Variants in SIK3 observed in about 807,000 individuals in gnomAD.
SIK3 encodes the protein serine/threonine-protein kinase SIK3.
SIK3 carries 28 observed loss-of-function variants against 144.2 expected under a neutral mutation model. The ratio of observed to expected loss-of-function variants is 0.19; its 90% CI spans 0.14 to 0.27. The LOEUF is 0.27. Ranked by LOEUF, SIK3 falls within the 10% of genes least tolerant of loss-of-function variation. The pLI, the probability that SIK3 is intolerant of heterozygous loss-of-function variation, is 1.00. For missense variants in SIK3, 1,319 were observed against 1,776.0 expected (o/e 0.74, Z 4.62); for synonymous variants, 686 against 676.3 (o/e 1.01, Z -0.22).
At chr11:117,033,830 G>C (rs1037150725) in intron 1 of SIK3, among the ~76,000 whole-genome samples, 4 of 151,724 alleles carry the variant, frequency 2.6e-5, no homozygotes, top group African/African-American at 9.7e-5. Flanking sequence ...TCAGGCTCAA[G>C]GCAAATTATT....
At chr11:116,890,928 T>C (rs1945068265) in intron 6 of SIK3, among the ~76,000 whole-genome samples, 1 of 152,170 alleles carries the variant, frequency 6.6e-6, no homozygotes, top group African/African-American at 2.4e-5. Context: ...AAATAGCAGA[T>C]AGGAGATCAA....
At chr11:116,904,736 T>A (rs2134871427) in intron 4 of SIK3, 1 of 152,414 alleles carries the variant, frequency 6.6e-6, no homozygotes, top group South Asian at 2.1e-4. Context: ...TTTTAATTTT[T>A]AAATTTTAAA....
At chr11:116,863,882 G>C (rs545416588) in intron 15 of SIK3, 64 bp from the exon 16 acceptor site, 108 of 1,474,286 alleles carry the variant, frequency 7.3e-5, no homozygotes, top group Middle Eastern at 3.6e-4. Flanking sequence ...ATCACACAGG[G>C]ACTGCTGTTC....
At chr11:117,002,286 A>G (rs1055499619) in intron 1 of SIK3, among the ~76,000 whole-genome samples, 1 of 150,514 alleles carries the variant, frequency 6.6e-6, no homozygotes, top group African/African-American at 2.4e-5. Flanking sequence ...ACATTATCAC[A>G]CTTTTTTGCA....
chr11:116,934,254 T>G (rs1000320924), intron 3 of SIK3, among the ~76,000 whole-genome samples: 22 of 152,348 alleles, frequency 1.4e-4, no homozygotes, highest in African/African-American at 5.3e-4. Context: ...CTGACGCATA[T>G]TAAGCACTTA....
Position 116,967,917 on chromosome 11 carries a change from C to T in SIK3, c.274-10853G>A, listed in dbSNP as rs187762233. On this transcript the variant is annotated intron_variant, in intron 1 of 24. Transcript: ENST00000445177. ...CTACCAGCGCTGACAGATAATGCCC[C>T]TCTGGGATTCCTTCAAAATGGAATG... Among the ~76,000 whole-genome samples the T allele has an allele frequency of 9.0e-4, 137 of 152,298 alleles. 1 individual carries two copies. Among genetic ancestry groups the T allele is most frequent in the Admixed American group, 2.9e-3 (44 of 15,306 alleles).
intron 4 of SIK3, among the ~76,000 whole-genome samples, chr11:116,916,515 T>TG (rs953800010): frequency 6.6e-6 from 1 of 150,980 alleles, no homozygotes; most frequent in African/African-American, 2.4e-5. Flanking sequence ...ACATCAAATT[T>TG]TTTTTTTTTT....
At chr11:117,038,421 A>G (rs1237952684) in intron 1 of SIK3, among the ~76,000 whole-genome samples, 1 of 150,696 alleles carries the variant, frequency 6.6e-6, no homozygotes, top group African/African-American at 2.4e-5. Flanking sequence ...CAGTGGTGCA[A>G]TCTCGGCTCA....
At chr11:116,928,702 T>C (rs1377574865) in intron 3 of SIK3, among the ~76,000 whole-genome samples, 1 of 152,124 alleles carries the variant, frequency 6.6e-6, no homozygotes, top group Non-Finnish European at 1.5e-5. Context: ...ACAGAGCAGA[T>C]TGCAAAATAA....
chr11:116,941,899 A>G (rs972640835), intron 3 of SIK3, among the ~76,000 whole-genome samples: 2 of 152,170 alleles, frequency 1.3e-5, no homozygotes, highest in Non-Finnish European at 2.9e-5. Context: ...TACAAAACTA[A>G]CCAGTTTCTC....
At chr11:116,922,744 T>C (rs1010127601) in intron 4 of SIK3, among the ~76,000 whole-genome samples, 1 of 150,052 alleles carries the variant, frequency 6.7e-6, no homozygotes, top group African/African-American at 2.5e-5. Context: ...ACTGGATGCA[T>C]GATTATTTTC....
chr11:116,994,150 A>C (rs1236148700), intron 1 of SIK3, among the ~76,000 whole-genome samples: 2 of 152,202 alleles, frequency 1.3e-5, no homozygotes, highest in African/African-American at 2.4e-5. Context: ...AATCTATTTA[A>C]AGTTGTTTTG....
chr11:116,992,185 C>A (rs773051611), intron 1 of SIK3, among the ~76,000 whole-genome samples: 1 of 151,660 alleles, frequency 6.6e-6, no homozygotes. Context: ...ATTAGCCAGG[C>A]GTGGTGGTGG....
chr11:117,093,337 C>T (rs776231304), intron 1 of SIK3, among the ~76,000 whole-genome samples: 2 of 152,172 alleles, frequency 1.3e-5, no homozygotes, highest in African/African-American at 2.4e-5. Context: ...CTAAACCACA[C>T]CGATGTGTCT....
At chr11:116,999,020 T>C (rs1207026963) in intron 1 of SIK3, among the ~76,000 whole-genome samples, 1 of 152,176 alleles carries the variant, frequency 6.6e-6, no homozygotes, top group Non-Finnish European at 1.5e-5. Context: ...AACAAAGGTA[T>C]ATAAAATCAA....
intron 3 of SIK3, among the ~76,000 whole-genome samples, chr11:116,951,004 C>A (rs978472990): frequency 6.6e-6 from 1 of 152,190 alleles, no homozygotes; most frequent in East Asian, 1.9e-4. Context: ...CACACCTTGA[C>A]GGCAGAAGTT....
chr11:116,904,561 T>C (rs1206026734), intron 4 of SIK3, among the ~76,000 whole-genome samples: 3 of 152,198 alleles, frequency 2.0e-5, no homozygotes, highest in Admixed American at 6.5e-5. Context: ...CTTTGGCTCA[T>C]GACACACTCT....
chr11:117,021,391 A>G (rs1250638228), intron 1 of SIK3, among the ~76,000 whole-genome samples: 1 of 152,166 alleles, frequency 6.6e-6, no homozygotes, highest in Non-Finnish European at 1.5e-5. Flanking sequence ...GTCAGAGCAC[A>G]TTGTCAGAAC....
intron 3 of SIK3, among the ~76,000 whole-genome samples, chr11:116,942,050 C>T (rs1378412786): frequency 2.0e-5 from 3 of 152,122 alleles, no homozygotes; most frequent in Non-Finnish European, 4.4e-5. Context: ...TTACTGAAGT[C>T]TATTTATTAC....
Sources: allele counts gnomAD v4.1 joint callset (sites outside exome capture counted in the v4.1 genomes callset), GRCh38; gene constraint gnomAD v4.1.1; transcripts MANE v1.5; gene names NCBI Gene and HGNC (gene_info 2026-07-23, HGNC 2026-07-21).